PIEZO2: variants seen among roughly 807,000 people sequenced by gnomAD.
The protein encoded by PIEZO2 is piezo type mechanosensitive ion channel component 2.
PIEZO2 carries 172 observed loss-of-function variants against 337.3 expected under a neutral mutation model. That is an observed-to-expected ratio of 0.51 (90% CI 0.45 to 0.58). PIEZO2 has a LOEUF of 0.58. Among genes scored for constraint, PIEZO2 ranks in the 20% least tolerant of loss-of-function variants. PIEZO2 has a pLI of 0.00. For missense variants in PIEZO2, 3,028 were observed against 3,391.3 expected (o/e 0.89, Z 2.66); for synonymous variants, 1,251 against 1,228.5 (o/e 1.02, Z -0.38).
chr18:10,918,826 T>C (rs1302896298), intron 3 of PIEZO2, among the ~76,000 whole-genome samples: 1 of 151,992 alleles, frequency 6.6e-6, no homozygotes, highest in Non-Finnish European at 1.5e-5. Context: ...TGTTCCATAG[T>C]TTAACAAAAT....
chr18:10,720,419 G>GTA (rs74177567), intron 36 of PIEZO2, among the ~76,000 whole-genome samples: 1 of 9,270 alleles, frequency 1.1e-4, no homozygotes, highest in Non-Finnish European at 2.0e-4. Flanking sequence ...GTATGTGTAT[G>GTA]TATATATATA....
chr18:11,134,904 C>A (rs1460519543), intron 1 of PIEZO2, among the ~76,000 whole-genome samples: 1 of 151,998 alleles, frequency 6.6e-6, no homozygotes, highest in Non-Finnish European at 1.5e-5. Context: ...AATGGAGAAT[C>A]AAAAATCAGT....
At chr18:10,983,737 G>A (rs888772363) in intron 2 of PIEZO2, among the ~76,000 whole-genome samples, 1 of 151,956 alleles carries the variant, frequency 6.6e-6, no homozygotes, top group Non-Finnish European at 1.5e-5. Context: ...CCTTTCCTAT[G>A]GAAAGCACCT....
intron 11 of PIEZO2, among the ~76,000 whole-genome samples, chr18:10,798,759 C>T (rs544879604): frequency 2.0e-5 from 3 of 152,310 alleles, no homozygotes; most frequent in East Asian, 1.9e-4. Context: ...ACAGCTCAAA[C>T]GTCAGAAGCC....
intron 4 of PIEZO2, among the ~76,000 whole-genome samples, chr18:10,889,791 G>C (rs923780701): frequency 5.9e-5 from 9 of 152,146 alleles, no homozygotes; most frequent in African/African-American, 2.2e-4. Flanking sequence ...AGCTGCCCAG[G>C]GGACCACAGC....
At chr18:10,991,902 ACTT>A (rs2035120566) in intron 2 of PIEZO2, among the ~76,000 whole-genome samples, 1 of 152,088 alleles carries the variant, frequency 6.6e-6, no homozygotes, top group East Asian at 1.9e-4. Context: ...TTGCTTCCTG[ACTT>A]TTTAATGATA....
chr18:10,741,980 T>C (rs531341780), intron 32 of PIEZO2, among the ~76,000 whole-genome samples: 43 of 150,752 alleles, frequency 2.9e-4, no homozygotes, highest in East Asian at 1.7e-3. Flanking sequence ...GGTGAAACCC[T>C]GTCTCTACTA....
At chr18:10,820,328 T>C (rs2040485572) in intron 7 of PIEZO2, among the ~76,000 whole-genome samples, 1 of 151,800 alleles carries the variant, frequency 6.6e-6, no homozygotes, top group African/African-American at 2.4e-5. Flanking sequence ...CTATAGCTTA[T>C]GTGGTTCAGT....
chr18:10,758,049 A>T lies in PIEZO2; in HGVS notation c.3843T>A (p.Gly1281=), dbSNP rs756881165. The T allele has an allele frequency of 6.5e-6, 10 of 1,536,988 alleles. No homozygotes were observed. The East Asian group carries it at 2.4e-4, about 38-fold the overall frequency. Reference sequence around the variant, plus strand: ...GGTTCATGCAGATCTCGACATTGTCACCTGCCATGATTCGCACTGCAGCCT... The same window carrying T: ...GGTTCATGCAGATCTCGACATTGTCTCCTGCCATGATTCGCACTGCAGCCT... ...ENKAAVRIMA[G]DNVEICMNLD... Residue 1281 remains glycine, a synonymous_variant, in exon 27 of 56, where the codon GGT becomes GGA. Transcript: ENST00000674853.
intron 16 of PIEZO2, 95 bp downstream of exon 16, chr18:10,786,941 C>T: frequency 1.7e-6 from 2 of 1,195,088 alleles, no homozygotes; most frequent in Non-Finnish European, 2.3e-6. Context: ...ACATTGATGA[C>T]ATCATGCTTT....
chr18:10,811,317 A>G (rs1356012882), intron 7 of PIEZO2, among the ~76,000 whole-genome samples: 1 of 152,034 alleles, frequency 6.6e-6, no homozygotes, highest in Non-Finnish European at 1.5e-5. Flanking sequence ...TTTTTAGTTT[A>G]CGTGCTTGTT....
At chr18:10,896,664 TC>T (rs2042911076) in intron 4 of PIEZO2, among the ~76,000 whole-genome samples, 1 of 152,178 alleles carries the variant, frequency 6.6e-6, no homozygotes, top group South Asian at 2.1e-4. Context: ...TGTTGCTGCC[TC>T]CCTGTGCTAC....
At position 11,090,659 on chromosome 18, in the gene PIEZO2, C is replaced by T. The variant is rs182586280; in HGVS notation, c.65-24437G>A. ...CTTTCCAATCAGATTTTCACAAACA[C>T]ATCCCCCACTTCCTTTAAGAGAAGG... On this transcript the variant is annotated intron_variant, in intron 1 of 55. Coordinates refer to ENST00000674853, the MANE Select transcript of PIEZO2 (RefSeq NM_001378183.1). Among the ~76,000 whole-genome samples the T allele has an allele frequency of 1.1e-3, 167 of 152,306 alleles. 1 individual carries two copies. Among genetic ancestry groups the T allele is most frequent in the African/African-American group, 3.9e-3 (162 of 41,562 alleles).
intron 27 of PIEZO2, among the ~76,000 whole-genome samples, chr18:10,753,380 T>A (rs921502104): frequency 1.3e-5 from 2 of 152,232 alleles, no homozygotes; most frequent in Non-Finnish European, 2.9e-5. Flanking sequence ...GCTTTTTTGT[T>A]CTTTCCAATA....
At chr18:11,081,502 A>G (rs1452470508) in intron 1 of PIEZO2, among the ~76,000 whole-genome samples, 2 of 152,168 alleles carry the variant, frequency 1.3e-5, no homozygotes, top group African/African-American at 4.8e-5. Flanking sequence ...AACATTAATA[A>G]AAGCTAGTTC....
At chr18:10,910,886 T>G (rs2030419272) in intron 4 of PIEZO2, among the ~76,000 whole-genome samples, 1 of 152,004 alleles carries the variant, frequency 6.6e-6, no homozygotes, top group Non-Finnish European at 1.5e-5. Flanking sequence ...AGTCAACCAT[T>G]TCCTGGGATT....
At chr18:10,753,664 G>T (rs1014561374) in intron 27 of PIEZO2, among the ~76,000 whole-genome samples, 13 of 152,134 alleles carry the variant, frequency 8.5e-5, no homozygotes, top group African/African-American at 3.1e-4. Flanking sequence ...ACCAATTCTG[G>T]ATTAATTCTT....
intron 52 of PIEZO2, among the ~76,000 whole-genome samples, chr18:10,679,211 G>A (rs919159595): frequency 3.3e-5 from 5 of 152,148 alleles, no homozygotes; most frequent in African/African-American, 1.2e-4. Context: ...CAGGATTACA[G>A]GTGTGAGCCA....
intron 1 of PIEZO2, among the ~76,000 whole-genome samples, chr18:11,075,442 T>G (rs187055997): frequency 2.0e-5 from 3 of 152,326 alleles, no homozygotes; most frequent in African/African-American, 7.2e-5. Context: ...GTAGAATTCT[T>G]TCCCCCATTA....
Sources: gnomAD v4.1 joint callset for allele counts (sites outside exome capture counted in the v4.1 genomes callset) on GRCh38, gnomAD v4.1.1 for gene constraint, MANE v1.5 for transcripts, NCBI Gene and HGNC (gene_info 2026-07-23, HGNC 2026-07-21) for gene names.